SYCP2: variants seen among roughly 807,000 people sequenced by gnomAD.
The protein encoded by SYCP2 is synaptonemal complex protein 2, also known as synaptonemal complex lateral element protein.
A neutral mutation model predicts 211.3 loss-of-function variants in SYCP2; 55 were observed. That is an observed-to-expected ratio of 0.26 (90% CI 0.21 to 0.33). The LOEUF is 0.33. Ranked by LOEUF, SYCP2 falls within the 10% of genes least tolerant of loss-of-function variation. The probability of loss-of-function intolerance (pLI) is 1.00; values close to 1 mark genes in which losing one functional copy is unlikely to be tolerated. For synonymous variants in SYCP2, 570 were observed against 555.2 expected, an observed-to-expected ratio of 1.03 and a Z score of -0.37; for missense variants, 1,731 against 1,752.0, an observed-to-expected ratio of 0.99 and a Z score of 0.21.
At chr20:59,870,825 AC>A in intron 35 of SYCP2, among the ~76,000 whole-genome samples, 1 of 151,882 alleles carries the variant, frequency 6.6e-6, no homozygotes, top group South Asian at 2.1e-4. Flanking sequence ...CCATGTGATC[AC>A]CCAGCCTATG....
chr20:59,903,050 T>G (rs954927485), intron 15 of SYCP2, among the ~76,000 whole-genome samples: 2 of 152,132 alleles, frequency 1.3e-5, no homozygotes, highest in Non-Finnish European at 2.9e-5. Context: ...GCACATGGTA[T>G]TAGAACTACT....
chr20:59,920,992 GTTT>G (rs571313857), intron 4 of SYCP2, among the ~76,000 whole-genome samples: 1 of 151,352 alleles, frequency 6.6e-6, no homozygotes, highest in African/African-American at 2.4e-5. Flanking sequence ...ACACTGATAG[GTTT>G]TTTTTAAAAA....
rs2060334548 is a variant in SYCP2, at chr20:59,911,816, C to A, written c.906G>T (p.Glu302Asp). The A allele has an allele frequency of 1.9e-6, 3 of 1,583,942 alleles. No homozygotes were observed. The East Asian group carries it at 6.8e-5, about 36-fold the overall frequency. ...ELQIPSDEKL[E>D]EFWIDFNLGS... is the part of the protein sequence containing the mutation. Reference sequence around the variant, plus strand: ...CAAGATTAAAATCAATCCAAAATTCCTCAAGTTTTTCATCTGATGGTATTT... The same window carrying A: ...CAAGATTAAAATCAATCCAAAATTCATCAAGTTTTTCATCTGATGGTATTT... The change falls in exon 14 of 45, where the codon GAG becomes GAT. Residue 302 changes from glutamate to aspartate, a missense_variant. This residue lies in a region of SYCP2 where 335 missense variants were observed against 378.8 expected (regional missense o/e 0.88). Coordinates refer to ENST00000357552, the MANE Select transcript of SYCP2 (RefSeq NM_014258.4).
intron 2 of SYCP2, among the ~76,000 whole-genome samples, chr20:59,928,631 G>A (rs990664873): frequency 1.3e-5 from 2 of 151,994 alleles, no homozygotes; most frequent in African/African-American, 4.8e-5. Context: ...GAAAACAAAT[G>A]GATCAATAAA....
intron 2 of SYCP2, among the ~76,000 whole-genome samples, chr20:59,924,387 G>T (rs1178239881): frequency 6.6e-6 from 1 of 151,926 alleles, no homozygotes; most frequent in Admixed American, 6.6e-5. Context: ...AGAAATTTGT[G>T]TGTTTTTCTC....
intron 8 of SYCP2, 70 bp downstream of exon 8, chr20:59,916,415 TC>T: frequency 1.2e-6 from 1 of 842,548 alleles, no homozygotes; most frequent in Non-Finnish European, 2.0e-6. Context: ...AAATAAATTG[TC>T]AATTTAATTG....
intron 26 of SYCP2, chr20:59,885,220 C>T (rs2059762627): frequency 6.6e-6 from 1 of 151,900 alleles, no homozygotes; most frequent in Non-Finnish European, 1.5e-5. Flanking sequence ...ATTCAATAAG[C>T]AACAGGGACC....
chr20:59,895,624 T>C (rs370112840), intron 19 of SYCP2, 27 bp from the exon 20 acceptor site: 4 of 1,605,728 alleles, frequency 2.5e-6, no homozygotes, highest in Non-Finnish European at 3.4e-6. Context: ...GGATTGCAGA[T>C]TTTTCTTTTT....
At chr20:59,884,284 A>G (rs530601014) in intron 26 of SYCP2, among the ~76,000 whole-genome samples, 2 of 152,200 alleles carry the variant, frequency 1.3e-5, no homozygotes, top group East Asian at 3.9e-4. Context: ...AGAGTCAAAA[A>G]GCTATCAATT....
chr20:59,928,961 ACT>A (rs1389112358), intron 2 of SYCP2, among the ~76,000 whole-genome samples: 1 of 152,158 alleles, frequency 6.6e-6, no homozygotes, highest in Non-Finnish European at 1.5e-5. Flanking sequence ...TTTGTGCATC[ACT>A]GTTTGTAAAA....
intron 34 of SYCP2, among the ~76,000 whole-genome samples, chr20:59,874,404 CA>C (rs1416520369): frequency 6.6e-6 from 1 of 152,018 alleles, no homozygotes; most frequent in African/African-American, 2.4e-5. Context: ...ATACACATCA[CA>C]AAATTTTATG....
intron 10 of SYCP2, among the ~76,000 whole-genome samples, chr20:59,914,720 A>G (rs2060401703): frequency 6.6e-6 from 1 of 152,032 alleles, no homozygotes; most frequent in South Asian, 2.1e-4. Context: ...TAATAAACAC[A>G]TTGTTTAAAA....
intron 15 of SYCP2, among the ~76,000 whole-genome samples, chr20:59,906,418 TTC>T (rs1409301664): frequency 2.0e-5 from 3 of 152,028 alleles, no homozygotes; most frequent in Admixed American, 2.0e-4. Flanking sequence ...AGTCATGATT[TTC>T]AACAAAGAAA....
rs1421414143 is a variant in SYCP2 at position 59,867,700 on chromosome 20, G to C, written c.4125+11C>G. ...TATTGGGTATAAATCATAATTTAAA[G>C]AATAACTCACATTATTCCTTCTCTT... On this transcript the variant is annotated intron_variant, in intron 39 of 44. Coordinates refer to ENST00000357552, the MANE Select transcript of SYCP2 (RefSeq NM_014258.4). 1 of 1,598,500 alleles carries C rather than the reference G, an allele frequency of 6.3e-7. No homozygotes were observed. The highest frequency in any genetic ancestry group is 8.6e-7 in the Non-Finnish European group (1 of 1,168,076).
intron 2 of SYCP2, among the ~76,000 whole-genome samples, chr20:59,930,438 C>T (rs919330521): frequency 5.3e-5 from 8 of 152,164 alleles, no homozygotes; most frequent in Admixed American, 2.6e-4. Context: ...CCCTGCAAAG[C>T]AAGAACACAG....
At chr20:59,889,209 G>A (rs2059856319) in intron 24 of SYCP2, among the ~76,000 whole-genome samples, 1 of 151,928 alleles carries the variant, frequency 6.6e-6, no homozygotes, top group Admixed American at 6.6e-5. Context: ...AACAAAGCAT[G>A]AAGCCTAATG....
rs1004418988 is a variant in SYCP2 at position 59,933,626 on chromosome 20, T to C, written c.-197A>G. The C allele has an allele frequency of 1.3e-5, 2 of 151,890 alleles. No homozygotes were observed. Among genetic ancestry groups the C allele is most frequent in the Non-Finnish European group, 2.9e-5 (2 of 68,008 alleles). 9.4% of individuals were successfully genotyped at this position (151,890 alleles called of 1,614,324 possible). A position where few individuals can be genotyped will look rare whatever the true frequency, so the allele number is the denominator to read the frequency against. On this transcript the variant is annotated 5_prime_UTR_variant, in exon 1 of 45. Coordinates refer to ENST00000357552, the MANE Select transcript of SYCP2 (RefSeq NM_014258.4). ...GAGCCGCCCCCTATGCCGCCGAGCG[T>C]CGCAACTCTGCGCCTCAGGGACCGC... is the stretch of plus-strand genomic sequence containing the variant.
rs2060503891 is a variant in SYCP2, at chr20:59,919,617, T to TTA, written c.298-21_298-20insTA. The TTA allele has an allele frequency of 1.1e-5, 16 of 1,425,528 alleles. No homozygotes were observed. The highest frequency in any genetic ancestry group is 1.4e-5 in the African/African-American group (1 of 69,556). 88.3% of individuals were successfully genotyped at this position (1,425,528 alleles called of 1,614,324 possible). A position where few individuals can be genotyped will look rare whatever the true frequency, so the allele number is the denominator to read the frequency against. On this transcript the variant is annotated intron_variant, in intron 5 of 44. Transcript: ENST00000357552. ...AACCATGTAAAAAAAGGAATGAACT[T>TTA]ATTAGAGTTCCATTTTAATAATTTT...
chr20:59,895,329 G>T, intron 20 of SYCP2, 108 bp downstream of exon 20: 1 of 899,074 alleles, frequency 1.1e-6, no homozygotes, highest in Non-Finnish European at 1.6e-6. Flanking sequence ...AAAAGGTAAT[G>T]CTTTAAACAA....
Sources: gnomAD v4.1 joint callset for allele counts (sites outside exome capture counted in the v4.1 genomes callset) on GRCh38, gnomAD v4.1.1 for gene constraint, gnomAD v4.1.1 regional missense constraint, MANE v1.5 for transcripts, NCBI Gene and HGNC (gene_info 2026-07-23, HGNC 2026-07-21) for gene names.